The following IFT140 variants were observed in gnomAD, a reference collection of about 807,000 sequenced individuals.
IFT140 encodes the protein intraflagellar transport protein 140 homolog.
Under a neutral mutation model 164.6 loss-of-function variants are expected in IFT140, and 133 were observed. The ratio of observed to expected loss-of-function variants is 0.81; its 90% CI spans 0.70 to 0.93. The LOEUF (loss-of-function observed/expected upper bound fraction) is 0.93, where lower values mean the gene tolerates loss of function less well. Ranked by LOEUF, IFT140 falls within the 40% of genes least tolerant of loss-of-function variation. IFT140 has a pLI of 0.00. For missense variants in IFT140, 2,045 were observed against 1,972.3 expected (o/e 1.04, Z -0.70); for synonymous variants, 860 against 817.3 (o/e 1.05, Z -0.89).
intron 19 of IFT140, among the ~76,000 whole-genome samples, chr16:1,547,814 G>T (rs748606698): frequency 6.6e-6 from 1 of 152,174 alleles, no homozygotes; most frequent in African/African-American, 2.4e-5. Flanking sequence ...GGGATTACAG[G>T]CGTGAGTCAC....
chr16:1,558,706 G>A (rs571061277), intron 18 of IFT140, among the ~76,000 whole-genome samples: 2 of 152,202 alleles, frequency 1.3e-5, no homozygotes, highest in Non-Finnish European at 2.9e-5. Context: ...CCCTTCCTCC[G>A]TGGGGCAGGG....
rs2033196456 is a variant in IFT140 at position 1,557,975 on chromosome 16, C to T, written c.2359G>A (p.Asp787Asn). The change falls in exon 19 of 31, where the codon GAC becomes AAC. Residue 787 changes from aspartate to asparagine, a missense_variant. Asp to Asn is a conservative substitution (Grantham distance 23). Transcript: ENST00000426508. ...LHFSFFVTIG[D>N]MDEAFKSIKL... ...ATGGATTTGAAGGCTTCGTCCATGT[C>T]TCCTATGGTGACAAAGAAGCTGAAG... 2 of 1,613,810 alleles carry T rather than the reference C, an allele frequency of 1.2e-6. No individual in the cohort carries two copies. The highest frequency in any genetic ancestry group is 1.3e-5 in the African/African-American group (1 of 74,912).
In IFT140 at chr16:1,564,943, C is replaced by T. The variant is rs113176611; in HGVS notation, c.1902-781G>A. Among the ~76,000 whole-genome samples, 2 of 152,306 alleles carry T rather than the reference C, an allele frequency of 1.3e-5. No individual in the cohort carries two copies. The highest frequency in any genetic ancestry group is 4.8e-5 in the African/African-American group (2 of 41,568). The stretch of plus-strand genomic sequence containing the variant: ...GTGCAGAGCAGAGCAGAAAGCAGGG[C>T]AGAGGGGCGAGTGCCATGCTCCAGA... On this transcript the variant is annotated intron_variant, in intron 16 of 30. Coordinates refer to ENST00000426508, the MANE Select transcript of IFT140 (RefSeq NM_014714.4). The surrounding 1 kb of genome is among the most constrained non-coding windows in gnomAD (Gnocchi z 5.5).
intron 19 of IFT140, among the ~76,000 whole-genome samples, chr16:1,555,945 T>C (rs752578249): frequency 1.1e-4 from 16 of 151,188 alleles, no homozygotes; most frequent in Non-Finnish European, 1.9e-4. Flanking sequence ...CTACTAAAAA[T>C]CCAAAAAAAA....
chr16:1,597,762 GGATAATC>G (rs1484238508), intron 4 of IFT140, among the ~76,000 whole-genome samples: 6 of 152,226 alleles, frequency 3.9e-5, no homozygotes, highest in Admixed American at 2.0e-4. Flanking sequence ...TTTTATGCCT[GGATAATC>G]TATTTTGCTA....
intron 19 of IFT140, among the ~76,000 whole-genome samples, chr16:1,542,394 C>T (rs1030512036): frequency 6.6e-6 from 1 of 152,232 alleles, no homozygotes; most frequent in African/African-American, 2.4e-5. Flanking sequence ...TGCTGACTGG[C>T]CCTTGTGCAG....
In IFT140 at chr16:1,583,406, T is replaced by A; in HGVS notation, c.1360-20A>T. On this transcript the variant is annotated intron_variant, in intron 11 of 30. Transcript: ENST00000426508. ...AGCATCCTGAAAAGAACCACGGACA[T>A]TCGAGGCAAAGGGCGGGAAAAGTGA... The A allele has an allele frequency of 6.2e-7, 1 of 1,612,872 alleles. No individual in the cohort carries two copies. Among genetic ancestry groups the A allele is most frequent in the Non-Finnish European group, 8.5e-7 (1 of 1,178,962 alleles).
chr16:1,590,378 G>T (rs2035116203), intron 6 of IFT140, among the ~76,000 whole-genome samples: 1 of 151,976 alleles, frequency 6.6e-6, no homozygotes, highest in Non-Finnish European at 1.5e-5. Flanking sequence ...CAGCCTCGGA[G>T]CTCTGAGTCC....
At chr16:1,514,694 T>C (rs561603300) in intron 30 of IFT140, 10 of 152,252 alleles carry the variant, frequency 6.6e-5, no homozygotes, top group Non-Finnish European at 8.8e-5. Context: ...ATCCAGAGTC[T>C]CTACAATGGA....
At chr16:1,549,071 C>T (rs915820474) in intron 19 of IFT140, among the ~76,000 whole-genome samples, 2 of 152,196 alleles carry the variant, frequency 1.3e-5, no homozygotes, top group African/African-American at 4.8e-5. Flanking sequence ...GGCAACGTCC[C>T]GTTTTCACCG....
intron 6 of IFT140, among the ~76,000 whole-genome samples, chr16:1,591,506 C>T (rs2035179570): frequency 6.6e-6 from 1 of 152,254 alleles, no homozygotes; most frequent in South Asian, 2.1e-4. Flanking sequence ...CCTCCTTTCT[C>T]CCGAGACCCG....
intron 19 of IFT140, 91 bp from the exon 20 acceptor site, chr16:1,526,887 A>C: frequency 2.2e-6 from 3 of 1,386,874 alleles, no homozygotes; most frequent in Non-Finnish European, 2.9e-6. Flanking sequence ...AGTAGTCATC[A>C]GGCACAGCTG....
At chr16:1,548,952 C>A (rs993574410) in intron 19 of IFT140, among the ~76,000 whole-genome samples, 3 of 152,248 alleles carry the variant, frequency 2.0e-5, no homozygotes, top group Middle Eastern at 3.2e-3. Flanking sequence ...CATCTGTTCA[C>A]GACGTGAACC....
At chr16:1,520,548 C>T in intron 27 of IFT140, 54 bp downstream of exon 27, 2 of 1,507,624 alleles carry the variant, frequency 1.3e-6, no homozygotes, top group Non-Finnish European at 1.8e-6. Flanking sequence ...TGCAGGGGGC[C>T]CGCAGCCTAA....
intron 19 of IFT140, among the ~76,000 whole-genome samples, chr16:1,548,774 C>T (rs894282385): frequency 2.6e-5 from 4 of 152,222 alleles, no homozygotes; most frequent in East Asian, 1.9e-4. Context: ...GCATCCACAG[C>T]GCAGTGCGAT....
chr16:1,559,785 A>G (rs1448608154), intron 18 of IFT140, among the ~76,000 whole-genome samples: 6 of 152,238 alleles, frequency 3.9e-5, no homozygotes, highest in African/African-American at 1.4e-4. Context: ...CAAGGTAAGC[A>G]GAAAGTATCG....
At chr16:1,552,649 T>A (rs1272156685) in intron 19 of IFT140, among the ~76,000 whole-genome samples, 1 of 61,556 alleles carries the variant, frequency 1.6e-5, no homozygotes, top group African/African-American at 1.0e-4. Flanking sequence ...AAGAGAATGC[T>A]TTTTTTTTTT....
At chr16:1,555,431 A>T in intron 19 of IFT140, 1 of 182,474 alleles carries the variant, frequency 5.5e-6, no homozygotes, top group Non-Finnish European at 1.1e-5. Context: ...AAAACCAGGA[A>T]AATTTTCTTA....
In IFT140 at chr16:1,516,050, G is replaced by C. The variant is rs372069462; in HGVS notation, c.4182+2166C>G. Among the ~76,000 whole-genome samples the C allele has an allele frequency of 1.0e-4, 15 of 147,804 alleles. 2 individuals carry two copies. Among genetic ancestry groups the C allele is most frequent in the Admixed American group, 6.3e-4 (9 of 14,242 alleles). On this transcript the variant is annotated intron_variant, in intron 30 of 30. Coordinates refer to ENST00000426508, the MANE Select transcript of IFT140 (RefSeq NM_014714.4). ...AGCTACTCCGGAGGCTGAGGCAGGA[G>C]AATCACTTGAACCTGGAGGGTAGAG...
Sources: allele counts gnomAD v4.1 joint callset (sites outside exome capture counted in the v4.1 genomes callset), GRCh38; gene constraint gnomAD v4.1.1; non-coding constraint Gnocchi (gnomAD v3.1); transcripts MANE v1.5; gene names NCBI Gene and HGNC (gene_info 2026-07-23, HGNC 2026-07-21).